The following CDH18 variants were observed in gnomAD, a reference collection of about 807,000 sequenced individuals.
The protein encoded by CDH18 is cadherin 18.
Under a neutral mutation model 67.9 loss-of-function variants are expected in CDH18, and 31 were observed. That is an observed-to-expected ratio of 0.46 (90% CI 0.34 to 0.62). The LOEUF (loss-of-function observed/expected upper bound fraction) is 0.62, where lower values mean the gene tolerates loss of function less well. Among genes scored for constraint, CDH18 ranks in the 20% least tolerant of loss-of-function variants. The pLI is 0.01. For synonymous variants in CDH18, 362 were observed against 347.2 expected (o/e 1.04, Z -0.48); for missense variants, 890 against 975.5 (o/e 0.91, Z 1.17).
intron 3 of CDH18, among the ~76,000 whole-genome samples, chr5:19,823,435 G>C (rs1158063833): frequency 1.3e-5 from 2 of 152,176 alleles, no homozygotes; most frequent in Non-Finnish European, 2.9e-5. Context: ...AAATGTCCAT[G>C]AAATCTTCAT....
chr5:19,509,209 G>A (rs1004292497), intron 10 of CDH18, among the ~76,000 whole-genome samples: 2 of 151,912 alleles, frequency 1.3e-5, no homozygotes, highest in Admixed American at 6.6e-5. Flanking sequence ...CAAATACCAC[G>A]CGTTCTCACT....
intron 2 of CDH18, among the ~76,000 whole-genome samples, chr5:20,065,143 A>G (rs1742863679): frequency 6.6e-6 from 1 of 151,946 alleles, no homozygotes; most frequent in Non-Finnish European, 1.5e-5. Flanking sequence ...TTCTTGAATT[A>G]ATTTTTCCAT....
Position 19,472,305 on chromosome 5 carries a change from T to A in CDH18, c.*921A>T, listed in dbSNP as rs1363377639. 6.6e-6 allele frequency among the ~76,000 whole-genome samples: 1 copy of A among 152,034 alleles called. No individual in the cohort carries two copies. The highest frequency in any genetic ancestry group is 2.4e-5 in the African/African-American group (1 of 41,388). ...AACCAGCCAGCAAAATATTTGACAA[T>A]TAATTTTAAATAGAGAAATGACCAA... On this transcript the variant is annotated 3_prime_UTR_variant, in exon 13 of 13. Transcript: ENST00000382275.
At position 19,945,526 on chromosome 5, in the gene CDH18, T is replaced by G. The variant is rs566543702; in HGVS notation, c.-257+35534A>C. Among the ~76,000 whole-genome samples the G allele has an allele frequency of 3.3e-5, 5 of 152,184 alleles. No homozygotes were observed. The South Asian group carries it at 1.0e-3, about 32-fold the overall frequency. On this transcript the variant is annotated intron_variant, in intron 2 of 12. Transcript: ENST00000382275. ...ATCCACAATCTGATGAGAAAGACAATCAACTAACATCAATACTGAGATGAA... is the reference window on the plus strand; with the variant it reads ...ATCCACAATCTGATGAGAAAGACAAGCAACTAACATCAATACTGAGATGAA...
chr5:20,123,758 G>T (rs1748576280), intron 2 of CDH18, among the ~76,000 whole-genome samples: 1 of 151,814 alleles, frequency 6.6e-6, no homozygotes, highest in Non-Finnish European at 1.5e-5. Context: ...TGTGGTGGTG[G>T]GCACCTGTAG....
intron 1 of CDH18, among the ~76,000 whole-genome samples, chr5:20,563,671 G>T (rs1445473472): frequency 6.6e-6 from 1 of 152,028 alleles, no homozygotes; most frequent in Non-Finnish European, 1.5e-5. Context: ...CTGCAGTTCA[G>T]GTACCCATTC....
chr5:20,258,585 C>A (rs1744412895), intron 1 of CDH18, among the ~76,000 whole-genome samples: 1 of 152,140 alleles, frequency 6.6e-6, no homozygotes, highest in Admixed American at 6.6e-5. Context: ...CCTATTAATT[C>A]ATGAACAAAT....
At chr5:20,167,270 G>A (rs900227957) in intron 2 of CDH18, among the ~76,000 whole-genome samples, 2 of 152,024 alleles carry the variant, frequency 1.3e-5, no homozygotes, top group Non-Finnish European at 2.9e-5. Context: ...GTCCTCACAT[G>A]GAAAGAATGT....
intron 6 of CDH18, among the ~76,000 whole-genome samples, chr5:19,600,684 A>T (rs2150064742): frequency 6.6e-6 from 1 of 152,172 alleles, no homozygotes; most frequent in South Asian, 2.1e-4. Context: ...AATAGAAAGT[A>T]CATGGGGAGA....
intron 10 of CDH18, among the ~76,000 whole-genome samples, chr5:19,505,106 CACATA>C (rs1224518800): frequency 3.3e-5 from 5 of 152,038 alleles, no homozygotes; most frequent in African/African-American, 1.2e-4. Context: ...ACAGAAAGCT[CACATA>C]TGACAATCGT....
intron 2 of CDH18, among the ~76,000 whole-genome samples, chr5:20,212,655 A>C (rs1225907709): frequency 2.0e-5 from 3 of 152,070 alleles, no homozygotes; most frequent in Non-Finnish European, 4.4e-5. Flanking sequence ...TTCAACCCAC[A>C]AATTCATATC....
intron 2 of CDH18, among the ~76,000 whole-genome samples, chr5:19,938,398 G>A (rs1208242723): frequency 6.6e-6 from 1 of 151,138 alleles, no homozygotes; most frequent in Non-Finnish European, 1.5e-5. Context: ...CCTAGATTGA[G>A]CATTTAGCAA....
intron 1 of CDH18, among the ~76,000 whole-genome samples, chr5:20,265,253 T>C (rs1744944432): frequency 6.6e-6 from 1 of 152,130 alleles, no homozygotes; most frequent in Non-Finnish European, 1.5e-5. Flanking sequence ...TCCTGGTTAT[T>C]ATAAAGAAAA....
intron 2 of CDH18, among the ~76,000 whole-genome samples, chr5:19,995,760 T>A (rs776552158): frequency 3.9e-5 from 6 of 152,244 alleles, no homozygotes; most frequent in Non-Finnish European, 7.4e-5. Flanking sequence ...GTGCTTCCCT[T>A]ATAGCAGAAA....
chr5:19,896,032 C>G (rs895321324), intron 2 of CDH18, among the ~76,000 whole-genome samples: 3 of 151,996 alleles, frequency 2.0e-5, no homozygotes, highest in African/African-American at 4.8e-5. Flanking sequence ...AAAAATGGTC[C>G]TTGCAGATAT....
chr5:20,471,849 A>AAAAAAAAAAAAAAAAAAAC (rs1752109506), intron 1 of CDH18, among the ~76,000 whole-genome samples: 1 of 146,774 alleles, frequency 6.8e-6, no homozygotes, highest in Non-Finnish European at 1.5e-5. Flanking sequence ...AAAAAAAAAA[A>AAAAAAAAAAAAAAAAAAAC]AAGCAAAAGC....
intron 5 of CDH18, among the ~76,000 whole-genome samples, chr5:19,631,839 T>C (rs146481490): frequency 3.5e-4 from 53 of 152,304 alleles, no homozygotes; most frequent in African/African-American, 1.3e-3. Context: ...TACTTGGCAA[T>C]TCCACTTTTT....
At chr5:19,867,980 A>G (rs1233905857) in intron 2 of CDH18, among the ~76,000 whole-genome samples, 1 of 152,120 alleles carries the variant, frequency 6.6e-6, no homozygotes, top group Non-Finnish European at 1.5e-5. Context: ...GGCCTTGCCC[A>G]CTTTGCTCAG....
At chr5:20,395,941 G>A (rs1043304650) in intron 1 of CDH18, among the ~76,000 whole-genome samples, 1 of 152,170 alleles carries the variant, frequency 6.6e-6, no homozygotes, top group Non-Finnish European at 1.5e-5. Flanking sequence ...TGGAAGCACT[G>A]TGCTCATCCC....
Sources: allele counts gnomAD v4.1 joint callset (sites outside exome capture counted in the v4.1 genomes callset), GRCh38; gene constraint gnomAD v4.1.1; transcripts MANE v1.5; gene names NCBI Gene and HGNC (gene_info 2026-07-23, HGNC 2026-07-21).